Variants in NHSL1 observed in about 807,000 individuals in gnomAD.
NHSL1 encodes NHS-like protein 1.
In NHSL1, 48 loss-of-function variants were observed where a neutral mutation model predicts 95.0. The ratio of observed to expected loss-of-function variants is 0.51; its 90% CI spans 0.40 to 0.64. The LOEUF is 0.64. NHSL1 is among the 30% of genes least tolerant of loss of function. The probability of loss-of-function intolerance (pLI) is 0.00; values close to 1 mark genes in which losing one functional copy is unlikely to be tolerated. For synonymous variants in NHSL1, 783 were observed against 833.9 expected (o/e 0.94, Z 1.05); for missense variants, 1,971 against 2,077.7 (o/e 0.95, Z 1.00).
chr6:138,630,243 T>TGGCGG (rs1200036141), intron 1 of NHSL1, among the ~76,000 whole-genome samples: 106 of 152,232 alleles, frequency 7.0e-4, no homozygotes, highest in African/African-American at 2.5e-3. Context: ...AATCACACTG[T>TGGCGG]GAAGCCTTGT....
At chr6:138,625,876 C>G (rs1369747754) in intron 1 of NHSL1, among the ~76,000 whole-genome samples, 1 of 152,152 alleles carries the variant, frequency 6.6e-6, no homozygotes, top group Non-Finnish European at 1.5e-5. Flanking sequence ...CTCTTGGCCT[C>G]AAGCAATCCT....
exon 1 of NHSL1, chr6:138,572,188 CAAATA>C: frequency 2.8e-6 from 1 of 362,032 alleles, no homozygotes; most frequent in Non-Finnish European, 4.9e-6. Flanking sequence ...AAATAATAAA[CAAATA>C]AAAGTATAAT....
intron 3 of NHSL1, among the ~76,000 whole-genome samples, chr6:138,462,458 T>C (rs1437717451): frequency 6.6e-6 from 1 of 152,166 alleles, no homozygotes; most frequent in Non-Finnish European, 1.5e-5. Flanking sequence ...AAGCTATTCA[T>C]GAGGGATGTT....
intron 5 of NHSL1, among the ~76,000 whole-genome samples, chr6:138,436,079 T>A (rs370340798): frequency 1.3e-5 from 2 of 152,160 alleles, no homozygotes; most frequent in African/African-American, 4.8e-5. Flanking sequence ...GATACAACAA[T>A]AATGAAATTA....
intron 1 of NHSL1, among the ~76,000 whole-genome samples, chr6:138,497,543 A>G (rs1780427966): frequency 6.6e-6 from 1 of 152,254 alleles, no homozygotes; most frequent in Non-Finnish European, 1.5e-5. Context: ...GAACACACGC[A>G]TAAACTATTA....
intron 4 of NHSL1, among the ~76,000 whole-genome samples, chr6:138,443,544 T>C (rs975910309): frequency 2.0e-5 from 3 of 152,188 alleles, no homozygotes; most frequent in African/African-American, 7.2e-5. Context: ...AAGTTACACT[T>C]AGGCCAGTGT....
chr6:138,665,940 T>C (rs146941384), intron 1 of NHSL1, among the ~76,000 whole-genome samples: 63 of 152,336 alleles, frequency 4.1e-4, no homozygotes, highest in Non-Finnish European at 3.4e-4. Flanking sequence ...ACTGTGTCTA[T>C]TGAGAATAAA....
chr6:138,668,700 C>G (rs1278075821), intron 1 of NHSL1, among the ~76,000 whole-genome samples: 1 of 149,322 alleles, frequency 6.7e-6, no homozygotes, highest in African/African-American at 2.5e-5. Flanking sequence ...TCTCGGCTCA[C>G]TGCAACCTCC....
intron 1 of NHSL1, among the ~76,000 whole-genome samples, chr6:138,563,585 T>A (rs1783492776): frequency 6.6e-6 from 1 of 152,210 alleles, no homozygotes; most frequent in Non-Finnish European, 1.5e-5. Context: ...ATCGAATTTG[T>A]AGGCTTACAG....
At chr6:138,598,627 GAAA>G (rs35482505) in intron 1 of NHSL1, among the ~76,000 whole-genome samples, 3 of 86,846 alleles carry the variant, frequency 3.5e-5, no homozygotes, top group African/African-American at 3.9e-5. Flanking sequence ...TCATCTGGAA[GAAA>G]AAAAAAAAAA....
chr6:138,508,718 A>AT (rs1210117892), intron 1 of NHSL1, among the ~76,000 whole-genome samples: 1 of 152,032 alleles, frequency 6.6e-6, no homozygotes, highest in African/African-American at 2.4e-5. Context: ...ACCTCTATTC[A>AT]TTTTTCAAGT....
intron 1 of NHSL1, among the ~76,000 whole-genome samples, chr6:138,569,902 T>C (rs925219577): frequency 7.2e-5 from 11 of 152,168 alleles, no homozygotes; most frequent in African/African-American, 2.7e-4. Context: ...CACATAAACT[T>C]ACACCCTGTA....
intron 1 of NHSL1, among the ~76,000 whole-genome samples, chr6:138,533,878 A>G (rs1258879409): frequency 6.6e-6 from 1 of 152,206 alleles, no homozygotes; most frequent in East Asian, 1.9e-4. Flanking sequence ...AAGAAGCTAC[A>G]TGGGATGCTT....
intron 1 of NHSL1, among the ~76,000 whole-genome samples, chr6:138,555,429 T>A (rs9495127): frequency 0.14 from 20,984 of 152,208 alleles, 3,096 homozygotes; most frequent in African/African-American, 0.38. Context: ...TTTAAAATGC[T>A]TCTATTGCTT....
intron 1 of NHSL1, among the ~76,000 whole-genome samples, chr6:138,655,949 A>G (rs1785150806): frequency 6.6e-6 from 1 of 152,200 alleles, no homozygotes; most frequent in Non-Finnish European, 1.5e-5. Context: ...CGATGTGATG[A>G]AAGCAGAAGT....
intron 1 of NHSL1, among the ~76,000 whole-genome samples, chr6:138,686,240 G>A (rs997731735): frequency 5.3e-5 from 8 of 152,094 alleles, no homozygotes; most frequent in African/African-American, 1.7e-4. Context: ...ACATCATGTT[G>A]GTGGGGCACA....
At chr6:138,673,035 A>G (rs753362614) in intron 1 of NHSL1, among the ~76,000 whole-genome samples, 13 of 3,630 alleles carry the variant, frequency 3.6e-3, no homozygotes, top group African/African-American at 6.7e-3. Context: ...AGATAGGTAG[A>G]TAGATAGATA....
At chr6:138,570,917 T>G (rs1783817031) in intron 1 of NHSL1, among the ~76,000 whole-genome samples, 1 of 152,152 alleles carries the variant, frequency 6.6e-6, no homozygotes, top group Admixed American at 6.6e-5. Context: ...GAGAAACCAT[T>G]TTAGAGCTTA....
intron 1 of NHSL1, among the ~76,000 whole-genome samples, chr6:138,612,220 T>C (rs1784523522): frequency 6.6e-6 from 1 of 151,914 alleles, no homozygotes; most frequent in Admixed American, 6.6e-5. Context: ...TCTATTAAAA[T>C]TTGAAATGCA....
Sources: gnomAD v4.1 joint callset for allele counts (sites outside exome capture counted in the v4.1 genomes callset) on GRCh38, gnomAD v4.1.1 for gene constraint, MANE v1.5 for transcripts, NCBI Gene and HGNC (gene_info 2026-07-23, HGNC 2026-07-21) for gene names.